Variants in NEXN observed in about 807,000 individuals in gnomAD.
NEXN encodes nexilin.
Under a neutral mutation model 92.6 loss-of-function variants are expected in NEXN, and 65 were observed. The observed-to-expected ratio is 0.70, with a 90% CI of 0.57 to 0.86. The LOEUF (loss-of-function observed/expected upper bound fraction) is 0.86, where lower values mean the gene tolerates loss of function less well. NEXN is among the 40% of genes least tolerant of loss of function. The pLI, the probability that NEXN is intolerant of heterozygous loss-of-function variation, is 0.00. For missense variants in NEXN, 778 were observed against 771.1 expected (o/e 1.01, Z -0.11); for synonymous variants, 254 against 242.5 (o/e 1.05, Z -0.44).
At chr1:77,933,146 A>C (rs1363584629) in intron 9 of NEXN, 136 bp from the exon 10 acceptor site, 1 of 619,790 alleles carries the variant, frequency 1.6e-6, no homozygotes, top group East Asian at 3.0e-5. Context: ...GGGCAATAAG[A>C]GTGAAACTCC....
At chr1:77,898,894 A>G (rs1024892771) in intron 1 of NEXN, among the ~76,000 whole-genome samples, 10 of 152,358 alleles carry the variant, frequency 6.6e-5, no homozygotes, top group South Asian at 6.2e-4. Context: ...GCAGCCAAAA[A>G]ACACATGAAA....
rs201171783 is a variant in NEXN, at chr1:77,926,760, C to T, written c.732C>T (p.Pro244=). The T allele has an allele frequency of 4.2e-5, 67 of 1,613,402 alleles. No homozygotes were observed. The South Asian group carries it at 5.2e-4, about 12-fold the overall frequency. Residue 244 remains proline (P), a synonymous_variant, in exon 8 of 13, where the codon CCC becomes CCT. Coordinates refer to ENST00000334785, the MANE Select transcript of NEXN (RefSeq NM_144573.4). ...ESEAKKESLS[P]GKLKLTFEEL... ...AAGCAAAAAAAGAATCACTTTCTCC[C>T]GGAAAATTGAAACTAACTTTTGAAG...
At chr1:77,919,735 G>T (rs941437063) in intron 5 of NEXN, among the ~76,000 whole-genome samples, 20 of 151,992 alleles carry the variant, frequency 1.3e-4, no homozygotes, top group African/African-American at 4.4e-4. Context: ...GAGTAGCAGG[G>T]ATTACAGGTG....
At chr1:77,889,403 T>C (rs1647055252) in intron 1 of NEXN, 1 of 143,396 alleles carries the variant, frequency 7.0e-6, no homozygotes, top group African/African-American at 2.6e-5. Flanking sequence ...ATGCTGGGGG[T>C]TGAGCAACTA....
At chr1:77,915,154 G>GA (rs966216310) in intron 1 of NEXN, among the ~76,000 whole-genome samples, 64 of 146,534 alleles carry the variant, frequency 4.4e-4, no homozygotes, top group East Asian at 2.6e-3. Flanking sequence ...TTTCTATAGA[G>GA]AAAAAAAAAA....
intron 1 of NEXN, among the ~76,000 whole-genome samples, chr1:77,915,447 G>T (rs191247111): frequency 1.3e-5 from 2 of 152,116 alleles, no homozygotes; most frequent in South Asian, 4.1e-4. Context: ...GGCTAACACG[G>T]TGAAACCCCG....
chr1:77,925,179 A>C lies in NEXN; in HGVS notation c.448-9A>C. On this transcript the variant is annotated splice_polypyrimidine_tract_variant and intron_variant, in intron 5 of 12. Coordinates refer to ENST00000334785, the MANE Select transcript of NEXN (RefSeq NM_144573.4). ...TGTAATGTAATGATATGAAATTCTCATTCAATAGATTGAGGACATAAACAA... is the reference window on the plus strand; with the variant it reads ...TGTAATGTAATGATATGAAATTCTCCTTCAATAGATTGAGGACATAAACAA... 1 of 1,577,936 alleles carries C rather than the reference A, an allele frequency of 6.3e-7. No individual in the cohort carries two copies. Among genetic ancestry groups the C allele is most frequent in the East Asian group, 2.2e-5 (1 of 44,512 alleles).
chr1:77,905,051 C>G (rs1318630560), intron 1 of NEXN, among the ~76,000 whole-genome samples: 4 of 151,918 alleles, frequency 2.6e-5, no homozygotes, highest in South Asian at 2.1e-4. Context: ...ATCACGAGGT[C>G]AAGAGATAGA....
chr1:77,908,162 T>C (rs1388741727), intron 1 of NEXN, among the ~76,000 whole-genome samples: 1 of 152,088 alleles, frequency 6.6e-6, no homozygotes, highest in Non-Finnish European at 1.5e-5. Context: ...ACTGCAACCT[T>C]GAACTCCTGG....
intron 1 of NEXN, among the ~76,000 whole-genome samples, chr1:77,904,382 G>A (rs578107475): frequency 3.7e-4 from 56 of 152,284 alleles, no homozygotes; most frequent in Middle Eastern, 3.4e-3. Context: ...TTTGGCATTT[G>A]AGAATATGTT....
chr1:77,894,939 C>T (rs944189509), intron 1 of NEXN, among the ~76,000 whole-genome samples: 1 of 150,852 alleles, frequency 6.6e-6, no homozygotes, highest in Non-Finnish European at 1.5e-5. Flanking sequence ...TGGTCTCGAA[C>T]TCCTTAGCTC....
At chr1:77,902,255 TCTC>T (rs1035893869) in intron 1 of NEXN, among the ~76,000 whole-genome samples, 43 of 152,348 alleles carry the variant, frequency 2.8e-4, no homozygotes, top group African/African-American at 1.0e-3. Flanking sequence ...TTTGTTATTT[TCTC>T]CTCCTTTATT....
chr1:77,942,831 C>A lies in NEXN; in HGVS notation c.*2C>A. 1.2e-6 allele frequency: 2 copies of A among 1,600,258 alleles called. No homozygotes were observed. Among genetic ancestry groups the A allele is most frequent in the South Asian group, 1.1e-5 (1 of 90,152 alleles). ...CTTACCATTGAAAGTAAGAATTAATCACTCTTTTTATCTTTTATTCTATTA... is the reference window on the plus strand; with the variant it reads ...CTTACCATTGAAAGTAAGAATTAATAACTCTTTTTATCTTTTATTCTATTA... On this transcript the variant is annotated 3_prime_UTR_variant, in exon 13 of 13. Coordinates refer to ENST00000334785, the MANE Select transcript of NEXN (RefSeq NM_144573.4).
chr1:77,893,824 G>T (rs1004423248), intron 1 of NEXN, among the ~76,000 whole-genome samples: 4 of 151,514 alleles, frequency 2.6e-5, no homozygotes, highest in East Asian at 1.9e-4. Context: ...AAAGATTCTT[G>T]ATTTTCTTTC....
At chr1:77,895,025 T>G (rs2102031150) in intron 1 of NEXN, among the ~76,000 whole-genome samples, 1 of 138,098 alleles carries the variant, frequency 7.2e-6, no homozygotes, top group African/African-American at 2.7e-5. Flanking sequence ...CAGCCTATAG[T>G]GTAATTTTTT....
chr1:77,924,460 G>A (rs942286911), intron 5 of NEXN, among the ~76,000 whole-genome samples: 3 of 152,066 alleles, frequency 2.0e-5, no homozygotes, highest in Non-Finnish European at 4.4e-5. Flanking sequence ...ATCATGACAA[G>A]TATTAGATTG....
intron 1 of NEXN, among the ~76,000 whole-genome samples, chr1:77,902,380 A>T (rs1571079737): frequency 6.6e-6 from 1 of 152,192 alleles, no homozygotes; most frequent in Non-Finnish European, 1.5e-5. Flanking sequence ...TCATCAAATG[A>T]AAGTTTACCA....
At chr1:77,935,133 G>A (rs1053151151) in intron 10 of NEXN, among the ~76,000 whole-genome samples, 19 of 151,998 alleles carry the variant, frequency 1.3e-4, no homozygotes, top group African/African-American at 4.3e-4. Context: ...GCACAATCTC[G>A]GCTCACTACA....
intron 8 of NEXN, among the ~76,000 whole-genome samples, chr1:77,928,563 AAATTT>A (rs1650047596): frequency 6.6e-6 from 1 of 152,076 alleles, no homozygotes; most frequent in South Asian, 2.1e-4. Flanking sequence ...ATATTATAGT[AAATTT>A]AATAATAAAC....
Sources: gnomAD v4.1 joint callset for allele counts (sites outside exome capture counted in the v4.1 genomes callset) on GRCh38, gnomAD v4.1.1 for gene constraint, MANE v1.5 for transcripts, NCBI Gene and HGNC (gene_info 2026-07-23, HGNC 2026-07-21) for gene names.